WFDC2: variants seen among roughly 807,000 people sequenced by gnomAD.
The protein encoded by WFDC2 is WAP four-disulfide core domain protein 2.
In WFDC2, 8 loss-of-function variants were observed where a neutral mutation model predicts 12.5. That is an observed-to-expected ratio of 0.64 (90% CI 0.37 to 1.15). The LOEUF (loss-of-function observed/expected upper bound fraction) is 1.15. WFDC2 is among the 50% of genes most tolerant of loss of function. WFDC2 has a pLI of 0.01. For synonymous variants in WFDC2, 74 were observed against 67.2 expected (o/e 1.10, Z -0.49); for missense variants, 166 against 159.9 (o/e 1.04, Z -0.21).
At position 45,469,805 on chromosome 20, in the gene WFDC2, G is replaced by T; in HGVS notation, c.24G>T (p.Pro8=). ...CCATGCCTGCTTGTCGCCTAGGCCC[G>T]CTAGCCGCCGCCCTCCTCCTCAGCC... The part of the protein sequence containing the change: MPACRLG[P]LAAALLLSLL... Residue 8 remains proline (P), a synonymous_variant, in exon 1 of 4, where the codon CCG becomes CCT. Coordinates refer to ENST00000372676, the MANE Select transcript of WFDC2 (RefSeq NM_006103.4). The T allele has an allele frequency of 6.2e-7, 1 of 1,609,608 alleles. No homozygotes were observed. The highest frequency in any genetic ancestry group is 8.5e-7 in the Non-Finnish European group (1 of 1,178,354).
chr20:45,470,337 CTG>C lies in WFDC2; in HGVS notation c.80-51_80-50del. 2 of 1,533,300 alleles carry C rather than the reference CTG, an allele frequency of 1.3e-6. No homozygotes were observed. Among genetic ancestry groups the C allele is most frequent in the Non-Finnish European group, 1.8e-6 (2 of 1,136,096 alleles). The allele number at this position is 1,533,300 out of a possible 1,614,324, so 95.0% of individuals were successfully genotyped here. A position where few individuals can be genotyped will look rare whatever the true frequency, so the allele number is the denominator to read the frequency against. ...GTTTGGAGCAGGAGGTGGGCATCCT[CTG>C]GGGCTGGCGCTACGCCCCACCCTCG... is the stretch of plus-strand genomic sequence containing the variant. On this transcript the variant is annotated intron_variant, in intron 1 of 3. Transcript: ENST00000372676. This position sits in a 1 kb window ranked among gnomAD's most constrained non-coding sequence, Gnocchi z 5.4.
At chr20:45,479,706 G>T in intron 2 of WFDC2, 1 of 1,614,030 alleles carries the variant, frequency 6.2e-7, no homozygotes, top group Non-Finnish European at 8.5e-7. Context: ...GGCCACGAAG[G>T]CCCACTTGGG....
chr20:45,478,224 C>T (rs1369510806), intron 2 of WFDC2, among the ~76,000 whole-genome samples: 1 of 152,202 alleles, frequency 6.6e-6, no homozygotes, highest in Non-Finnish European at 1.5e-5. Context: ...AAAAATCCTG[C>T]AGCTAGCTCA....
Position 45,470,536 on chromosome 20 carries a change from A to G in WFDC2, c.223+4A>G, listed in dbSNP as rs1568969303. 6.9e-6 allele frequency: 11 copies of G among 1,588,858 alleles called. No homozygotes were observed. Among genetic ancestry groups the G allele is most frequent in the Non-Finnish European group, 9.4e-6 (11 of 1,166,404 alleles). ...ACCTTCTGCTCTCTGCCCAATGGTAACCCCACGGCGGCCGAGCGGGAACGG... is the reference window on the plus strand; with the variant it reads ...ACCTTCTGCTCTCTGCCCAATGGTAGCCCCACGGCGGCCGAGCGGGAACGG... On this transcript the variant is annotated splice_donor_region_variant and intron_variant, in intron 2 of 3. Transcript: ENST00000372676. This position sits in a 1 kb window ranked among gnomAD's most constrained non-coding sequence, Gnocchi z 5.4.
At chr20:45,475,136 T>C (rs182369101) in intron 2 of WFDC2, among the ~76,000 whole-genome samples, 8 of 152,268 alleles carry the variant, frequency 5.3e-5, no homozygotes, top group Non-Finnish European at 1.2e-4. Flanking sequence ...AGCTTGTGAA[T>C]TCATTGATTT....
At chr20:45,478,334 G>A (rs183084697) in intron 2 of WFDC2, among the ~76,000 whole-genome samples, 28 of 152,276 alleles carry the variant, frequency 1.8e-4, no homozygotes, top group East Asian at 1.2e-3. Context: ...TGTGAAGACC[G>A]TGGGAAAAGT....
Position 45,480,095 on chromosome 20 carries a change from G to T in WFDC2, c.*1+1G>T. On this transcript the variant is annotated splice_donor_variant, in intron 3 of 3. Transcript: ENST00000372676. LOFTEE classifies it low-confidence loss of function (3UTR_SPLICE). ...TCCTGTGTCACTCCCAATTTCTGAG[G>T]TAAGTGAACGGGAAAGAGAAAGTGC... 6.2e-7 allele frequency: 1 copy of T among 1,613,542 alleles called. No individual in the cohort carries two copies. The highest frequency in any genetic ancestry group is 8.5e-7 in the Non-Finnish European group (1 of 1,179,620).
intron 2 of WFDC2, 139 bp from the exon 3 acceptor site, chr20:45,479,803 G>A: frequency 6.2e-7 from 1 of 1,613,498 alleles, no homozygotes. Flanking sequence ...AGCAGCTCAG[G>A]TGCCCAAGAT....
chr20:45,471,259 G>A (rs764577737), intron 2 of WFDC2: 9 of 448,706 alleles, frequency 2.0e-5, no homozygotes, highest in Non-Finnish European at 3.8e-5. Flanking sequence ...TTGAGTGAGC[G>A]CGAGCTGGGG....
chr20:45,479,627 C>T, intron 2 of WFDC2: 1 of 1,543,048 alleles, frequency 6.5e-7, no homozygotes, highest in Non-Finnish European at 9.0e-7. Context: ...CACAACAACC[C>T]TATGTTGTAA....
At chr20:45,480,576 C>T (rs979244186) in intron 3 of WFDC2, among the ~76,000 whole-genome samples, 4 of 152,140 alleles carry the variant, frequency 2.6e-5, no homozygotes, top group Admixed American at 1.3e-4. Context: ...GAGATCACGC[C>T]ATTGCACTCC....
At position 45,470,480 on chromosome 20, in the gene WFDC2, C is replaced by T; in HGVS notation, c.171C>T (p.Asp57=). ...GCGTCTCGGACAGCGAATGCGCCGA[C>T]AACCTCAAGTGCTGCAGCGCGGGCT... ...QECVSDSECA[D]NLKCCSAGCA... The change falls in exon 2 of 4, where the codon GAC becomes GAT. Residue 57 remains aspartate (D), a synonymous_variant. Transcript: ENST00000372676. This position sits in a 1 kb window ranked among gnomAD's most constrained non-coding sequence, Gnocchi z 5.4. The T allele has an allele frequency of 1.3e-6, 2 of 1,598,240 alleles. No individual in the cohort carries two copies. The highest frequency in any genetic ancestry group is 1.7e-6 in the Non-Finnish European group (2 of 1,171,982).
At chr20:45,472,945 A>G (rs190813050) in intron 2 of WFDC2, among the ~76,000 whole-genome samples, 1 of 152,352 alleles carries the variant, frequency 6.6e-6, no homozygotes, top group African/African-American at 2.4e-5. Context: ...ATGACCAGTG[A>G]TGATGAGCAT....
Position 45,470,263 on chromosome 20 carries a change from C to A in WFDC2, c.80-126C>A, listed in dbSNP as rs776368294. The A allele has an allele frequency of 2.5e-4, 324 of 1,319,642 alleles. No individual in the cohort carries two copies. Among genetic ancestry groups the A allele is most frequent in the Non-Finnish European group, 3.2e-4 (315 of 989,032 alleles). 81.7% of individuals were successfully genotyped at this position (1,319,642 alleles called of 1,614,324 possible). On this transcript the variant is annotated intron_variant, in intron 1 of 3. Transcript: ENST00000372676. The surrounding 1 kb of genome is among the most constrained non-coding windows in gnomAD (Gnocchi z 5.4). ...GTCTGGAAGAAGGAGTCTCTGGGGG[C>A]TGTAAGGGGACTCCTAGGGCCAGAG...
chr20:45,469,896 G>T (rs1991143774), intron 1 of WFDC2, 36 bp downstream of exon 1: 2 of 1,573,554 alleles, frequency 1.3e-6, no homozygotes, highest in South Asian at 1.2e-5. Flanking sequence ...CGCCTAGAGG[G>T]GCCGAGCCAC....
At chr20:45,480,403 C>G (rs1454751691) in intron 3 of WFDC2, among the ~76,000 whole-genome samples, 1 of 147,472 alleles carries the variant, frequency 6.8e-6, no homozygotes, top group African/African-American at 2.5e-5. Context: ...GTCGGGAGTT[C>G]AAGACCAGCC....
chr20:45,470,516 C>A lies in WFDC2; in HGVS notation c.207C>A (p.Phe69Leu). The A allele has an allele frequency of 1.3e-6, 2 of 1,598,200 alleles. No individual in the cohort carries two copies. Among genetic ancestry groups the A allele is most frequent in the East Asian group, 2.2e-5 (1 of 44,510 alleles). ...GCTGCAGCGCGGGCTGTGCCACCTT[C>A]TGCTCTCTGCCCAATGGTAACCCCA... ...LKCCSAGCATFCSLPNDKEGS... is the reference protein window; with the variant it reads ...LKCCSAGCATLCSLPNDKEGS... The change falls in exon 2 of 4, where the codon TTC (phenylalanine) becomes TTA (leucine). Residue 69 changes from phenylalanine (F) to leucine (L), a missense_variant. Coordinates refer to ENST00000372676, the MANE Select transcript of WFDC2 (RefSeq NM_006103.4). The surrounding 1 kb of genome is among the most constrained non-coding windows in gnomAD (Gnocchi z 5.4).
At chr20:45,479,052 T>C (rs1991268934) in intron 2 of WFDC2, among the ~76,000 whole-genome samples, 1 of 152,246 alleles carries the variant, frequency 6.6e-6, no homozygotes, top group African/African-American at 2.4e-5. Flanking sequence ...AGTTGATGAA[T>C]GGATTTGGCT....
chr20:45,470,184 C>T lies in WFDC2; in HGVS notation c.80-205C>T, dbSNP rs559840579. 6.6e-5 allele frequency among the ~76,000 whole-genome samples: 10 copies of T among 152,154 alleles called. No individual in the cohort carries two copies. The East Asian group carries it at 1.9e-3, about 30-fold the overall frequency. Reference sequence around the variant, plus strand: ...GTCCCCTAGGGCTGAGATCTGAGGGCCCCGACGCCAAGGGTTAGGGAGCTC... The same window carrying T: ...GTCCCCTAGGGCTGAGATCTGAGGGTCCCGACGCCAAGGGTTAGGGAGCTC... On this transcript the variant is annotated intron_variant, in intron 1 of 3. Transcript: ENST00000372676. This position sits in a 1 kb window ranked among gnomAD's most constrained non-coding sequence, Gnocchi z 5.4.
Sources: allele counts gnomAD v4.1 joint callset (sites outside exome capture counted in the v4.1 genomes callset), GRCh38; gene constraint gnomAD v4.1.1; non-coding constraint Gnocchi (gnomAD v3.1); transcripts MANE v1.5; gene names NCBI Gene and HGNC (gene_info 2026-07-23, HGNC 2026-07-21).